Variants in TENM2 observed in about 807,000 individuals in gnomAD.
The protein encoded by TENM2 is teneurin-2.
In TENM2, 52 loss-of-function variants were observed where a neutral mutation model predicts 245.2. That is an observed-to-expected ratio of 0.21 (90% CI 0.17 to 0.27). TENM2 has a LOEUF of 0.27. Among genes scored for constraint, TENM2 ranks in the 10% least tolerant of loss-of-function variants. The pLI, the probability that TENM2 is intolerant of heterozygous loss-of-function variation, is 1.00. For missense variants in TENM2, 3,046 were observed against 3,666.8 expected (o/e 0.83, Z 4.37); for synonymous variants, 1,363 against 1,438.9 (o/e 0.95, Z 1.19).
the TENM2 span, among the ~76,000 whole-genome samples, chr5:167,188,235 A>C: frequency 6.6e-6 from 1 of 152,164 alleles, no homozygotes; most frequent in Non-Finnish European, 1.5e-5. Context: ...CCTGTGATTA[A>C]ATGGGTATGG....
chr5:167,999,605 A>T (rs1424414257), intron 5 of TENM2, among the ~76,000 whole-genome samples: 1 of 152,218 alleles, frequency 6.6e-6, no homozygotes, highest in Admixed American at 6.5e-5. Flanking sequence ...TGACATTCAG[A>T]AAAAATGAAT....
chr5:167,191,692 A>G, the TENM2 span, among the ~76,000 whole-genome samples: 1 of 152,048 alleles, frequency 6.6e-6, no homozygotes, highest in East Asian at 1.9e-4. Context: ...CCACTGCATG[A>G]GACTATACGG....
intron 2 of TENM2, among the ~76,000 whole-genome samples, chr5:167,702,646 TTTTG>T (rs1270614469): frequency 6.6e-6 from 1 of 150,860 alleles, no homozygotes; most frequent in Non-Finnish European, 1.5e-5. Flanking sequence ...TTTTTGTTTG[TTTTG>T]TTTGTTTTTA....
the TENM2 span, among the ~76,000 whole-genome samples, chr5:167,085,159 AG>A: frequency 1.3e-5 from 2 of 152,196 alleles, no homozygotes; most frequent in Non-Finnish European, 2.9e-5. Flanking sequence ...TGCTCTGAAG[AG>A]GGGGCAGTTG....
chr5:166,999,242 T>A, the TENM2 span, among the ~76,000 whole-genome samples: 1 of 152,054 alleles, frequency 6.6e-6, no homozygotes, highest in East Asian at 1.9e-4. Context: ...GGGATATGGT[T>A]TTGAGAACCA....
At chr5:168,092,575 G>A (rs938753904) in intron 8 of TENM2, among the ~76,000 whole-genome samples, 9 of 152,192 alleles carry the variant, frequency 5.9e-5, no homozygotes, top group African/African-American at 1.9e-4. Context: ...GTGGAGAAGC[G>A]TTCCACAGAG....
intron 2 of TENM2, among the ~76,000 whole-genome samples, chr5:167,852,301 A>G (rs760932710): frequency 2.0e-5 from 3 of 152,238 alleles, no homozygotes; most frequent in Non-Finnish European, 4.4e-5. Flanking sequence ...ATCATTAAGC[A>G]TATGCCAAGC....
At chr5:168,087,215 G>A (rs74757231) in intron 7 of TENM2, 2,519 of 152,318 alleles carry the variant, frequency 0.017, 28 homozygotes, top group Non-Finnish European at 0.025. Context: ...ACACTCCTGG[G>A]TAATTGTGAT....
At chr5:167,916,447 G>T (rs1017598508) in intron 3 of TENM2, among the ~76,000 whole-genome samples, 1 of 152,146 alleles carries the variant, frequency 6.6e-6, no homozygotes, top group African/African-American at 2.4e-5. Flanking sequence ...CTGCTCGGTG[G>T]TGCACCTTTG....
intron 2 of TENM2, among the ~76,000 whole-genome samples, chr5:167,395,221 G>T (rs1761985052): frequency 6.6e-6 from 1 of 152,056 alleles, no homozygotes; most frequent in Non-Finnish European, 1.5e-5. Context: ...CCTTGAGTGA[G>T]TTTATTCCTA....
chr5:168,238,214 G>A (rs150021651), intron 25 of TENM2, among the ~76,000 whole-genome samples: 3,461 of 46,838 alleles, frequency 0.074, 837 homozygotes, highest in African/African-American at 0.38. Context: ...AGGGAGGGAG[G>A]GAGAGAGAAG....
chr5:168,236,965 TATATATATATATATATATATATATATATA>T lies in TENM2; in HGVS notation c.5521-7454_5521-7426del, dbSNP rs1765514828. Among the ~76,000 whole-genome samples the T allele has an allele frequency of 1.4e-3, 9 of 6,276 alleles. 1 individual carries two copies. Among genetic ancestry groups the T allele is most frequent in the South Asian group, 6.6e-3 (1 of 152 alleles). The allele number at this position is 6,276 out of a possible 152,430, so 4.1% of individuals were successfully genotyped here. On this transcript the variant is annotated intron_variant, in intron 25 of 28. Coordinates refer to ENST00000518659, the Ensembl canonical transcript of TENM2. Reference sequence around the variant, plus strand: ...ATATATATATATATATATATATATATATATATATATATATATATATATATATATATATATATTTTTTTTTTTTTTTTTTT... The same window carrying T: ...ATATATATATATATATATATATATATTATATATTTTTTTTTTTTTTTTTTT...
chr5:167,401,957 C>A (rs1419801415), intron 2 of TENM2, among the ~76,000 whole-genome samples: 1 of 152,124 alleles, frequency 6.6e-6, no homozygotes, highest in Non-Finnish European at 1.5e-5. Flanking sequence ...CCCCAACCAA[C>A]AAATGCATAT....
the TENM2 span, among the ~76,000 whole-genome samples, chr5:167,132,946 T>C: frequency 7.9e-5 from 12 of 152,312 alleles, no homozygotes; most frequent in African/African-American, 2.6e-4. Context: ...CTTAGGACAC[T>C]GAATGTGTCA....
chr5:167,663,725 G>T (rs1487037044), intron 2 of TENM2, among the ~76,000 whole-genome samples: 1 of 151,732 alleles, frequency 6.6e-6, no homozygotes, highest in Non-Finnish European at 1.5e-5. Flanking sequence ...TAATCTCTGT[G>T]TCTCTGTCTT....
intron 13 of TENM2, among the ~76,000 whole-genome samples, chr5:168,163,584 A>C (rs928431592): frequency 6.6e-6 from 1 of 152,126 alleles, no homozygotes; most frequent in Non-Finnish European, 1.5e-5. Context: ...TCGCTTCCCA[A>C]AGTTTCTTCC....
intron 2 of TENM2, among the ~76,000 whole-genome samples, chr5:167,866,740 A>T (rs1772358630): frequency 6.6e-6 from 1 of 152,182 alleles, no homozygotes. Context: ...ATTCAGAAAG[A>T]TGTTAGCTTT....
intron 3 of TENM2, among the ~76,000 whole-genome samples, chr5:167,946,220 T>C (rs574534408): frequency 1.2e-4 from 19 of 152,296 alleles, no homozygotes; most frequent in African/African-American, 3.8e-4. Context: ...TTTGGACCTA[T>C]TCCTTCCATC....
chr5:167,007,949 C>T, the TENM2 span, among the ~76,000 whole-genome samples: 1 of 152,086 alleles, frequency 6.6e-6, no homozygotes, highest in Non-Finnish European at 1.5e-5. This position sits in a 1 kb window ranked among gnomAD's most constrained non-coding sequence, Gnocchi z 4.2. Flanking sequence ...CTGAATGGGA[C>T]CAGAGCCATC....
Sources: gnomAD v4.1 joint callset for allele counts (sites outside exome capture counted in the v4.1 genomes callset) on GRCh38, gnomAD v4.1.1 for gene constraint, Gnocchi (gnomAD v3.1) non-coding constraint, MANE v1.5 for transcripts, NCBI Gene and HGNC (gene_info 2026-07-23, HGNC 2026-07-21) for gene names.